The following PRLR variants were observed in gnomAD, a reference collection of about 807,000 sequenced individuals.
PRLR encodes hPRL receptor.
PRLR carries 13 observed loss-of-function variants against 40.2 expected under a neutral mutation model. The ratio of observed to expected loss-of-function variants is 0.32; its 90% CI spans 0.21 to 0.51. The LOEUF (loss-of-function observed/expected upper bound fraction) is 0.51, where lower values mean the gene tolerates loss of function less well. PRLR is among the 20% of genes least tolerant of loss of function. The pLI is 0.97. For missense variants in PRLR, 656 were observed against 747.3 expected, an observed-to-expected ratio of 0.88 and a Z score of 1.42; for synonymous variants, 269 against 278.7, an observed-to-expected ratio of 0.97 and a Z score of 0.35.
chr5:35,187,148 C>T (rs1393735738), intron 1 of PRLR, among the ~76,000 whole-genome samples: 1 of 152,138 alleles, frequency 6.6e-6, no homozygotes, highest in Non-Finnish European at 1.5e-5. Flanking sequence ...CACCTGTGAT[C>T]CCAGCACTTT....
Position 35,087,003 on chromosome 5 carries a change from A to AT in PRLR, c.71-664dup, listed in dbSNP as rs1003357753. ...TCCCCTTTCCCTTCACTTTTTCTTGATTTTTTTTGGGATGGAGTCTCACTC... is the reference window on the plus strand; with the variant it reads ...TCCCCTTTCCCTTCACTTTTTCTTGATTTTTTTTTGGGATGGAGTCTCACTC... On this transcript the variant is annotated intron_variant, in intron 3 of 9. Coordinates refer to ENST00000618457, the MANE Select transcript of PRLR (RefSeq NM_000949.7). Among the ~76,000 whole-genome samples, 16 of 148,678 alleles carry AT rather than the reference A, an allele frequency of 1.1e-4. No homozygotes were observed. The South Asian group carries it at 1.1e-3, about 10-fold the overall frequency.
chr5:35,165,811 T>C (rs1774806025), intron 1 of PRLR, among the ~76,000 whole-genome samples: 1 of 152,178 alleles, frequency 6.6e-6, no homozygotes, highest in Non-Finnish European at 1.5e-5. Context: ...GTTTGAGAAA[T>C]TAAAACAATA....
chr5:35,079,418 C>A lies in PRLR; in HGVS notation c.373+5052G>T, dbSNP rs186269637. 1.7e-3 allele frequency among the ~76,000 whole-genome samples: 265 copies of A among 152,254 alleles called. 1 individual carries two copies. The highest frequency in any genetic ancestry group is 6.2e-3 in the African/African-American group (259 of 41,550). On this transcript the variant is annotated intron_variant, in intron 5 of 9. Coordinates refer to ENST00000618457, the MANE Select transcript of PRLR (RefSeq NM_000949.7). ...AGCATTCCTATACACCAATAACAGA[C>A]AAACAGAGAGCCAAATCATGAGTGA...
intron 1 of PRLR, among the ~76,000 whole-genome samples, chr5:35,201,712 T>TTCTCC (rs1262596871): frequency 8.4e-6 from 1 of 119,718 alleles, no homozygotes; most frequent in African/African-American, 2.9e-5. Flanking sequence ...TTCTCTTCTC[T>TTCTCC]TCTCCTCTCC....
chr5:35,083,757 A>T (rs552016262), intron 5 of PRLR, among the ~76,000 whole-genome samples: 56 of 143,800 alleles, frequency 3.9e-4, no homozygotes, highest in Middle Eastern at 3.6e-3. Flanking sequence ...TGATCTTATG[A>T]TCTGCCTGTC....
rs146437480 is a variant in PRLR, at chr5:35,153,758, T to TAC, written c.-105-35638_-105-35637dup. On this transcript the variant is annotated intron_variant, in intron 1 of 9. Transcript: ENST00000618457. ...CACACACTGCACACACTACACACAC[T>TAC]ACACACACACACACACACCCCATTG... is the stretch of plus-strand genomic sequence containing the variant. Among the ~76,000 whole-genome samples the TAC allele has an allele frequency of 8.4e-3, 1,186 of 140,606 alleles. 6 individuals carry two copies. Among genetic ancestry groups the TAC allele is most frequent in the African/African-American group, 0.03 (1,009 of 33,218 alleles). 92.2% of individuals were successfully genotyped at this position (140,606 alleles called of 152,430 possible).
chr5:35,167,543 G>A lies in PRLR; in HGVS notation c.-105-49421C>T, dbSNP rs151335752. Among the ~76,000 whole-genome samples, 362 of 152,108 alleles carry A rather than the reference G, an allele frequency of 2.4e-3. 2 individuals are homozygous for A. Among genetic ancestry groups the A allele is most frequent in the African/African-American group, 8.3e-3 (345 of 41,520 alleles). On this transcript the variant is annotated intron_variant, in intron 1 of 9. Coordinates refer to ENST00000618457, the MANE Select transcript of PRLR (RefSeq NM_000949.7). ...CAAAAGGAGGTGTTCATGGAAGTAT[G>A]TAATGTGGGAAAAAAGAAAGTTCAT...
chr5:35,151,890 A>T (rs1302441273), intron 1 of PRLR, among the ~76,000 whole-genome samples: 1 of 152,206 alleles, frequency 6.6e-6, no homozygotes, highest in African/African-American at 2.4e-5. Context: ...ACTTGTGAGC[A>T]CAATCAAATG....
chr5:35,074,761 C>A (rs1769966060), intron 5 of PRLR, among the ~76,000 whole-genome samples: 1 of 151,248 alleles, frequency 6.6e-6, no homozygotes, highest in Admixed American at 6.6e-5. Flanking sequence ...GTTTTTGCCA[C>A]AATAAAAACA....
At chr5:35,148,408 G>A (rs1414347143) in intron 1 of PRLR, among the ~76,000 whole-genome samples, 1 of 152,094 alleles carries the variant, frequency 6.6e-6, no homozygotes, top group Non-Finnish European at 1.5e-5. Context: ...GGAAAAAAAG[G>A]CTTAATTTTA....
chr5:35,104,221 TGTC>T (rs1477999560), intron 2 of PRLR, among the ~76,000 whole-genome samples: 2 of 152,172 alleles, frequency 1.3e-5, no homozygotes, highest in Non-Finnish European at 2.9e-5. Flanking sequence ...CTGAACTGTA[TGTC>T]ACTTGAGGTA....
intron 1 of PRLR, among the ~76,000 whole-genome samples, chr5:35,200,103 G>T (rs1478383888): frequency 6.6e-6 from 1 of 152,230 alleles, no homozygotes; most frequent in Non-Finnish European, 1.5e-5. Flanking sequence ...TGGTTGTGTA[G>T]AGCATGTTCT....
intron 5 of PRLR, among the ~76,000 whole-genome samples, chr5:35,079,802 A>G (rs1201341069): frequency 1.3e-5 from 2 of 152,260 alleles, no homozygotes; most frequent in Non-Finnish European, 2.9e-5. Context: ...ACAAGGCTAC[A>G]GTAACCAAAA....
At chr5:35,144,166 C>G (rs1428015345) in intron 1 of PRLR, among the ~76,000 whole-genome samples, 1 of 149,138 alleles carries the variant, frequency 6.7e-6, no homozygotes, top group African/African-American at 2.5e-5. Context: ...AACAACCAGT[C>G]CCTGAATCAG....
intron 2 of PRLR, among the ~76,000 whole-genome samples, chr5:35,105,381 C>T (rs114955924): frequency 0.012 from 1,856 of 152,280 alleles, 42 homozygotes; most frequent in African/African-American, 0.042. Flanking sequence ...ATGATGTTGA[C>T]GAGTTGACAG....
At position 35,059,058 on chromosome 5, in the gene PRLR, C is replaced by A. The variant is rs1768886542; in HGVS notation, c.*6031G>T. On this transcript the variant is annotated 3_prime_UTR_variant, in exon 10 of 10. Coordinates refer to ENST00000618457, the MANE Select transcript of PRLR (RefSeq NM_000949.7). ...CAGATAACGTGGAAAAAAGATTTTT[C>A]CCCCAGGATTTGTGAAGTGTGCACA... is the stretch of plus-strand genomic sequence containing the variant. 1 of 152,078 alleles carries A rather than the reference C, an allele frequency of 6.6e-6. No individual in the cohort carries two copies. The highest frequency in any genetic ancestry group is 1.5e-5 in the Non-Finnish European group (1 of 68,006). 9.4% of individuals were successfully genotyped at this position (152,078 alleles called of 1,614,324 possible).
rs983631254 is a variant in PRLR, at chr5:35,056,721, T to C, written c.*8368A>G. The C allele has an allele frequency of 6.6e-6, 1 of 152,160 alleles. No individual in the cohort carries two copies. Among genetic ancestry groups the C allele is most frequent in the African/African-American group, 2.4e-5 (1 of 41,448 alleles). 9.4% of individuals were successfully genotyped at this position (152,160 alleles called of 1,614,324 possible). A position where few individuals can be genotyped will look rare whatever the true frequency, so the allele number is the denominator to read the frequency against. ...TGTCTGGTGACTGAGACTTCAAATT[T>C]TGCACCTTAAAAATATAAGAGGGCC... On this transcript the variant is annotated 3_prime_UTR_variant, in exon 10 of 10. Coordinates refer to ENST00000618457, the MANE Select transcript of PRLR (RefSeq NM_000949.7).
chr5:35,073,102 A>T (rs1769858329), intron 5 of PRLR, among the ~76,000 whole-genome samples: 1 of 152,194 alleles, frequency 6.6e-6, no homozygotes, highest in Admixed American at 6.5e-5. Context: ...ATGGAAGACT[A>T]TAGGGAAAGA....
chr5:35,143,375 A>G (rs748450119), intron 1 of PRLR, among the ~76,000 whole-genome samples: 1 of 152,244 alleles, frequency 6.6e-6, no homozygotes, highest in Non-Finnish European at 1.5e-5. Flanking sequence ...AGATAAATGT[A>G]TACTGCTATT....
Sources: gnomAD v4.1 joint callset for allele counts (sites outside exome capture counted in the v4.1 genomes callset) on GRCh38, gnomAD v4.1.1 for gene constraint, MANE v1.5 for transcripts, NCBI Gene and HGNC (gene_info 2026-07-23, HGNC 2026-07-21) for gene names.